The following TAFA5 variants were observed in gnomAD, a reference collection of about 807,000 sequenced individuals.
TAFA5 encodes the protein TAFA chemokine like family member 5.
Under a neutral mutation model 15.3 loss-of-function variants are expected in TAFA5, and 6 were observed. The ratio of observed to expected loss-of-function variants is 0.39; its 90% confidence interval spans 0.21 to 0.77. TAFA5 has a LOEUF of 0.77. Among genes scored for constraint, TAFA5 ranks in the 30% least tolerant of loss-of-function variants. The probability of loss-of-function intolerance (pLI) is 0.41; values close to 1 mark genes in which losing one functional copy is unlikely to be tolerated. For synonymous variants in TAFA5, 103 were observed against 80.7 expected, an observed-to-expected ratio of 1.28 and a Z score of -1.48; for missense variants, 161 against 193.1, an observed-to-expected ratio of 0.83 and a Z score of 0.98.
At chr22:48,678,267 C>T (rs1373179796) in intron 2 of TAFA5, among the ~76,000 whole-genome samples, 2 of 152,226 alleles carry the variant, frequency 1.3e-5, no homozygotes, top group African/African-American at 4.8e-5. Context: ...TCTCTCCCGC[C>T]GGCTCTGTGC....
chr22:48,681,613 T>A (rs1305930035), intron 2 of TAFA5, among the ~76,000 whole-genome samples: 7 of 143,328 alleles, frequency 4.9e-5, no homozygotes, highest in African/African-American at 1.8e-4. Flanking sequence ...ATTGTGCCAC[T>A]GCACTCCAGC....
chr22:48,512,414 C>T (rs1265554708), intron 1 of TAFA5, among the ~76,000 whole-genome samples: 2 of 152,042 alleles, frequency 1.3e-5, no homozygotes, highest in African/African-American at 4.8e-5. Context: ...CGAGACCAGC[C>T]TGGCCAACAT....
chr22:48,667,306 C>T (rs1381221424), intron 2 of TAFA5, among the ~76,000 whole-genome samples: 1 of 151,454 alleles, frequency 6.6e-6, no homozygotes, highest in African/African-American at 2.4e-5. Flanking sequence ...GATGATTTAC[C>T]TGTCTGTTCC....
intron 1 of TAFA5, among the ~76,000 whole-genome samples, chr22:48,636,722 G>C (rs1926464711): frequency 6.6e-6 from 1 of 152,238 alleles, no homozygotes; most frequent in Non-Finnish European, 1.5e-5. Context: ...CCCCAGGGCT[G>C]CTGCTGTGAA....
intron 1 of TAFA5, among the ~76,000 whole-genome samples, chr22:48,548,655 C>A (rs1221701675): frequency 6.6e-6 from 1 of 152,238 alleles, no homozygotes; most frequent in Non-Finnish European, 1.5e-5. Context: ...TTCACAGGGG[C>A]AGGCCCAGCC....
chr22:48,539,288 G>A (rs1234392425), intron 1 of TAFA5: 10 of 458,738 alleles, frequency 2.2e-5, no homozygotes, highest in Admixed American at 1.4e-4. Context: ...GACCCTGGCG[G>A]ACTCCTAAAT....
chr22:48,509,048 TGAGAACAGGAG>T (rs1321792303), intron 1 of TAFA5, among the ~76,000 whole-genome samples: 1 of 152,236 alleles, frequency 6.6e-6, no homozygotes, highest in Admixed American at 6.5e-5. Flanking sequence ...TACGTATGAA[TGAGAACAGGAG>T]GTATTTATCT....
chr22:48,603,744 A>T (rs1233574395), intron 1 of TAFA5, among the ~76,000 whole-genome samples: 7 of 152,162 alleles, frequency 4.6e-5, no homozygotes. Flanking sequence ...CTTCCTAAAA[A>T]GTAGCTTTCA....
At chr22:48,630,510 C>A (rs910848693) in intron 1 of TAFA5, among the ~76,000 whole-genome samples, 1 of 152,118 alleles carries the variant, frequency 6.6e-6, no homozygotes, top group African/African-American at 2.4e-5. Context: ...CTGTTGTGTC[C>A]ACAACTTTCC....
At chr22:48,504,520 CG>C (rs111917047) in intron 1 of TAFA5, among the ~76,000 whole-genome samples, 6,889 of 152,156 alleles carry the variant, frequency 0.045, 436 homozygotes, top group African/African-American at 0.14. Flanking sequence ...GCCGTGAGTC[CG>C]GGCACCTTGC....
intron 3 of TAFA5, among the ~76,000 whole-genome samples, chr22:48,738,459 C>T (rs1338826716): frequency 3.9e-5 from 6 of 152,076 alleles, no homozygotes; most frequent in African/African-American, 1.4e-4. Flanking sequence ...AAGGGAAGGT[C>T]GAAGGCCACG....
intron 1 of TAFA5, among the ~76,000 whole-genome samples, chr22:48,602,845 TGA>T (rs1432324353): frequency 6.6e-6 from 1 of 152,124 alleles, no homozygotes; most frequent in Non-Finnish European, 1.5e-5. Flanking sequence ...ACCTGGGCCC[TGA>T]GAGGTTATTG....
intron 3 of TAFA5, among the ~76,000 whole-genome samples, chr22:48,709,367 T>C (rs1929181283): frequency 6.6e-6 from 1 of 151,666 alleles, no homozygotes; most frequent in South Asian, 2.1e-4. Context: ...TACTGCTACC[T>C]GTCTGCAGAG....
At chr22:48,664,314 G>C (rs1927541486) in intron 2 of TAFA5, among the ~76,000 whole-genome samples, 1 of 152,158 alleles carries the variant, frequency 6.6e-6, no homozygotes, top group African/African-American at 2.4e-5. Context: ...TGTAAGGAAA[G>C]TCCCCCAGAC....
chr22:48,501,810 C>G (rs1008193233), intron 1 of TAFA5, among the ~76,000 whole-genome samples: 1 of 152,184 alleles, frequency 6.6e-6, no homozygotes, highest in Non-Finnish European at 1.5e-5. Flanking sequence ...CTCTGTGCCC[C>G]GGAGGGTGCA....
intron 2 of TAFA5, among the ~76,000 whole-genome samples, chr22:48,705,438 G>C (rs1206116258): frequency 6.6e-6 from 1 of 152,162 alleles, no homozygotes; most frequent in Non-Finnish European, 1.5e-5. Context: ...CCCTTTGTCT[G>C]TCTTCCAGAG....
At chr22:48,622,897 G>C (rs1030218847) in intron 1 of TAFA5, among the ~76,000 whole-genome samples, 7 of 152,222 alleles carry the variant, frequency 4.6e-5, no homozygotes, top group Non-Finnish European at 8.8e-5. Flanking sequence ...TTCCCACCTG[G>C]GACTGCCCGT....
chr22:48,611,147 C>G (rs534761947), intron 1 of TAFA5, among the ~76,000 whole-genome samples: 1 of 152,164 alleles, frequency 6.6e-6, no homozygotes, highest in African/African-American at 2.4e-5. Flanking sequence ...GTTGGCCAGG[C>G]TGGTCTTGCA....
chr22:48,674,039 C>T (rs1223134587), intron 2 of TAFA5, among the ~76,000 whole-genome samples: 2 of 135,566 alleles, frequency 1.5e-5, no homozygotes, highest in Non-Finnish European at 3.1e-5. Flanking sequence ...CTTCGCCCGC[C>T]TCACATCTGG....
Sources: gnomAD v4.1 joint callset for allele counts (sites outside exome capture counted in the v4.1 genomes callset) on GRCh38, gnomAD v4.1.1 for gene constraint, MANE v1.5 for transcripts, NCBI Gene and HGNC (gene_info 2026-07-23, HGNC 2026-07-21) for gene names.